Variants in LRP1 observed in about 807,000 individuals in gnomAD.
LRP1 encodes LDL receptor related protein 1.
A neutral mutation model predicts 541.5 loss-of-function variants in LRP1; 51 were observed. The ratio of observed to expected loss-of-function variants is 0.09; its 90% CI spans 0.08 to 0.12. The LOEUF is 0.12. LRP1 is among the 10% of genes least tolerant of loss of function. The pLI is 1.00. For missense variants in LRP1, 3,878 were observed against 6,376.2 expected (o/e 0.61, Z 13.34); for synonymous variants, 2,219 against 2,470.8 (o/e 0.90, Z 3.02).
At position 57,204,855 on chromosome 12, in the gene LRP1, T is replaced by A; in HGVS notation, c.11194+106T>A. On this transcript the variant is annotated intron_variant, in intron 72 of 88. Coordinates refer to ENST00000243077, the MANE Select transcript of LRP1 (RefSeq NM_002332.3). This position sits in a 1 kb window ranked among gnomAD's most constrained non-coding sequence, Gnocchi z 5.3. ...TGGGGTTAGGGTTAACCAGGAGGAC[T>A]CGCCCAGGAAGGGGAGGATCCATTG... 1 of 1,525,662 alleles carries A rather than the reference T, an allele frequency of 6.6e-7. No homozygotes were observed. Among genetic ancestry groups the A allele is most frequent in the Non-Finnish European group, 8.9e-7 (1 of 1,124,048 alleles). 94.5% of individuals were successfully genotyped at this position (1,525,662 alleles called of 1,614,324 possible).
At position 57,183,341 on chromosome 12, in the gene LRP1, T is replaced by G. The variant is rs2036205439; in HGVS notation, c.5663-38T>G. 1 of 1,582,558 alleles carries G rather than the reference T, an allele frequency of 6.3e-7. No homozygotes were observed. The highest frequency in any genetic ancestry group is 1.1e-5 in the South Asian group (1 of 88,884). On this transcript the variant is annotated intron_variant, in intron 34 of 88. Coordinates refer to ENST00000243077, the MANE Select transcript of LRP1 (RefSeq NM_002332.3). This position sits in a 1 kb window ranked among gnomAD's most constrained non-coding sequence, Gnocchi z 6.1. The stretch of plus-strand genomic sequence containing the variant: ...GACAGGAACCAAGTTTAAGGGAGTG[T>G]TGGCGATACCCATGCCTTAAGTTTC...
At chr12:57,163,990 G>T (rs2035790492) in intron 15 of LRP1, among the ~76,000 whole-genome samples, 1 of 152,114 alleles carries the variant, frequency 6.6e-6, no homozygotes, top group Non-Finnish European at 1.5e-5. Flanking sequence ...GGCCAACATG[G>T]TGAAACCCCG....
Position 57,197,366 on chromosome 12 carries a change from C to T in LRP1, c.9144C>T (p.Asn3048=), listed in dbSNP as rs1592653640. 1.2e-6 allele frequency: 2 copies of T among 1,613,172 alleles called. No homozygotes were observed. The highest frequency in any genetic ancestry group is 1.7e-6 in the Non-Finnish European group (2 of 1,179,454). Residue 3048 remains asparagine (N), a synonymous_variant, in exon 57 of 89, where the codon AAC becomes AAT. Coordinates refer to ENST00000243077, the MANE Select transcript of LRP1 (RefSeq NM_002332.3). The surrounding 1 kb of genome is among the most constrained non-coding windows in gnomAD (Gnocchi z 4.5). ...YLRKLNLDGS[N]YTLLKQGLNN... ...GCAAGCTCAACCTGGACGGGTCCAA[C>T]TACACGTTACTTAAGCAGGTACCAA...
chr12:57,188,521 C>A (rs1440665199), intron 42 of LRP1, among the ~76,000 whole-genome samples: 1 of 152,128 alleles, frequency 6.6e-6, no homozygotes, highest in African/African-American at 2.4e-5. Flanking sequence ...AGGTCCAGTC[C>A]CCCCTTCCAT....
Position 57,178,449 on chromosome 12 carries a change from G to A in LRP1, c.4452G>A (p.Val1484=), listed in dbSNP as rs778193899. ...GHEFLSHPFA[V]TLYGGEVYWT... ...AGTTCCTGTCGCACCCGTTTGCAGT[G>A]ACGCTGTACGGGGGGGAGGTCTACT... The change falls in exon 27 of 89, where the codon GTG becomes GTA. Residue 1484 remains valine, a synonymous_variant. Coordinates refer to ENST00000243077, the MANE Select transcript of LRP1 (RefSeq NM_002332.3). The surrounding 1 kb of genome is among the most constrained non-coding windows in gnomAD (Gnocchi z 5.8). The A allele has an allele frequency of 6.8e-6, 11 of 1,614,132 alleles. No homozygotes were observed. In the Admixed American group the frequency reaches 1.3e-4, roughly 20 times the overall value.
At chr12:57,167,138 C>A in intron 18 of LRP1, 92 bp downstream of exon 18, 2 of 1,049,976 alleles carry the variant, frequency 1.9e-6, no homozygotes, top group African/African-American at 1.6e-5. Flanking sequence ...CACCTGCAAC[C>A]CAGCACTTGG....
chr12:57,204,525 G>A lies in LRP1; in HGVS notation c.11067G>A (p.Glu3689=), dbSNP rs764120652. Residue 3689 remains glutamate (E), a synonymous_variant, in exon 71 of 89, where the codon GAG becomes GAA. Transcript: ENST00000243077. The surrounding 1 kb of genome is among the most constrained non-coding windows in gnomAD (Gnocchi z 5.3). ...ACAACTCAGATGAGAACCCCGAGGA[G>A]TGTGGTGAGATTTGGGGCGGGGCTC... is the stretch of plus-strand genomic sequence containing the variant. ...CGDNSDENPE[E]CARFVCPPNR... The A allele has an allele frequency of 6.9e-6, 11 of 1,604,568 alleles. No individual in the cohort carries two copies. Among genetic ancestry groups the A allele is most frequent in the Non-Finnish European group, 8.5e-6 (10 of 1,173,620 alleles).
In LRP1 at chr12:57,145,382, G is replaced by A; in HGVS notation, c.733G>A (p.Val245Met). The A allele has an allele frequency of 6.2e-7, 1 of 1,614,178 alleles. No individual in the cohort carries two copies. The highest frequency in any genetic ancestry group is 8.5e-7 in the Non-Finnish European group (1 of 1,180,038). ...FSYANETVCW[V>M]HVGDSAAQTQ... ...CTATGCCAACGAGACCGTATGCTGG[G>A]TGCATGTTGGGGACAGTGCTGCTCA... The change falls in exon 6 of 89, where the codon GTG becomes ATG. Residue 245 changes from valine to methionine, a missense_variant. This residue lies in a region of LRP1 where 293 missense variants were observed against 403.7 expected (regional missense o/e 0.73). Coordinates refer to ENST00000243077, the MANE Select transcript of LRP1 (RefSeq NM_002332.3).
rs2036649475 is a variant in LRP1 at position 57,201,318 on chromosome 12, A to G, written c.10345+165A>G. ...TTGCTCATAAAAATCATCATGCATG[A>G]TATAGAGACATAGAGATCCAGAAAA... On this transcript the variant is annotated intron_variant, in intron 65 of 88. Coordinates refer to ENST00000243077, the MANE Select transcript of LRP1 (RefSeq NM_002332.3). The surrounding 1 kb of genome is among the most constrained non-coding windows in gnomAD (Gnocchi z 6.4). Among the ~76,000 whole-genome samples the G allele has an allele frequency of 6.6e-6, 1 of 152,198 alleles. No homozygotes were observed.
chr12:57,186,295 A>G (rs1327421269), intron 41 of LRP1, among the ~76,000 whole-genome samples: 2 of 152,230 alleles, frequency 1.3e-5, no homozygotes, highest in African/African-American at 2.4e-5. Flanking sequence ...CATCTGAGAC[A>G]GGATTCCTCG....
Position 57,200,822 on chromosome 12 carries a change from C to A in LRP1, c.10225+7C>A. 6.2e-7 allele frequency: 1 copy of A among 1,605,918 alleles called. No homozygotes were observed. On this transcript the variant is annotated splice_region_variant and intron_variant, in intron 64 of 88. Transcript: ENST00000243077. ...AGTGACGAGGCCAACTGTGGTAAGG[C>A]GCTGCCCGCCCACCCTCCCTCCTTC...
intron 20 of LRP1, among the ~76,000 whole-genome samples, chr12:57,170,150 C>T (rs946547251): frequency 1.3e-5 from 2 of 152,226 alleles, no homozygotes; most frequent in African/African-American, 2.4e-5. Context: ...CATCTTCACA[C>T]GGTGTCCTCC....
At chr12:57,208,484 A>G (rs558010671) in intron 77 of LRP1, 1 of 590,808 alleles carries the variant, frequency 1.7e-6, no homozygotes, top group Admixed American at 3.0e-5. Context: ...CCTGGGGAAC[A>G]GCTCTGCCAG....
In LRP1 at chr12:57,183,306, G is replaced by A; in HGVS notation, c.5663-73G>A. ...GATATCAAAGGAGAAGCAGAGAACA[G>A]TTGGAGGGTGACAGGAACCAAGTTT... On this transcript the variant is annotated intron_variant, in intron 34 of 88. Coordinates refer to ENST00000243077, the MANE Select transcript of LRP1 (RefSeq NM_002332.3). This position sits in a 1 kb window ranked among gnomAD's most constrained non-coding sequence, Gnocchi z 6.1. 6.7e-7 allele frequency: 1 copy of A among 1,499,356 alleles called. No individual in the cohort carries two copies. The highest frequency in any genetic ancestry group is 9.1e-7 in the Non-Finnish European group (1 of 1,094,156). The allele number at this position is 1,499,356 out of a possible 1,614,324, so 92.9% of individuals were successfully genotyped here.
chr12:57,141,598 G>T, intron 3 of LRP1, 87 bp downstream of exon 3: 3 of 1,523,522 alleles, frequency 2.0e-6, no homozygotes, highest in Non-Finnish European at 2.7e-6. Context: ...CACCTTCAGT[G>T]GGGATGAGGC....
chr12:57,140,774 C>T (rs2035272297), intron 2 of LRP1, among the ~76,000 whole-genome samples: 1 of 152,160 alleles, frequency 6.6e-6, no homozygotes, highest in Admixed American at 6.5e-5. Context: ...GCTCTGTCGC[C>T]CACGCTGGAG....
chr12:57,138,054 T>C (rs1300108428), intron 1 of LRP1, among the ~76,000 whole-genome samples: 3 of 152,176 alleles, frequency 2.0e-5, no homozygotes, highest in Admixed American at 6.5e-5. Flanking sequence ...TCGGGGCCTC[T>C]AGTAGTAGGA....
Position 57,203,398 on chromosome 12 carries a change from A to AC in LRP1, c.10834dup (p.Arg3612ProfsTer3). ...GTGCCCATGCCCACAGAAAGACTGC[A>AC]CCCCCCGCTGTGACATGGACCAGTT... On this transcript the variant is annotated frameshift_variant, in exon 70 of 89. Coordinates refer to ENST00000243077, the MANE Select transcript of LRP1 (RefSeq NM_002332.3). LOFTEE classifies it high-confidence loss of function. The AC allele has an allele frequency of 3.7e-6, 6 of 1,606,244 alleles. No individual in the cohort carries two copies. Among genetic ancestry groups the AC allele is most frequent in the African/African-American group, 1.3e-5 (1 of 74,826 alleles).
chr12:57,163,816 T>C (rs1208108515), intron 15 of LRP1, among the ~76,000 whole-genome samples: 2 of 152,218 alleles, frequency 1.3e-5, no homozygotes, highest in South Asian at 2.1e-4. Flanking sequence ...TTCTGTGTTG[T>C]TATTGCATGA....
Sources: allele counts gnomAD v4.1 joint callset (sites outside exome capture counted in the v4.1 genomes callset), GRCh38; gene constraint gnomAD v4.1.1; regional missense constraint gnomAD v4.1.1; non-coding constraint Gnocchi (gnomAD v3.1); transcripts MANE v1.5; gene names NCBI Gene and HGNC (gene_info 2026-07-23, HGNC 2026-07-21).